The following BDP1 variants were observed in gnomAD, a reference collection of about 807,000 sequenced individuals.
BDP1 encodes BDP1 general transcription factor IIIB subunit.
In BDP1, 169 loss-of-function variants were observed where a neutral mutation model predicts 266.6. That is an observed-to-expected ratio of 0.63 (90% confidence interval 0.56 to 0.72). The LOEUF is 0.72. BDP1 is among the 30% of genes least tolerant of loss of function. The pLI is 0.00. For synonymous variants in BDP1, 1,090 were observed against 1,022.4 expected (o/e 1.07, Z -1.26); for missense variants, 3,015 against 3,053.8 (o/e 0.99, Z 0.30).
chr5:71,459,220 G>T (rs1489930619), intron 2 of BDP1, among the ~76,000 whole-genome samples: 1 of 152,050 alleles, frequency 6.6e-6, no homozygotes, highest in East Asian at 1.9e-4. Flanking sequence ...TTTGAATTAA[G>T]ACAAGTATAG....
the BDP1 span, among the ~76,000 whole-genome samples, chr5:71,574,842 C>A: frequency 2.6e-5 from 4 of 152,190 alleles, no homozygotes; most frequent in African/African-American, 9.6e-5. Context: ...GGAAGTCTGT[C>A]CCAACCAGTA....
rs1763829056 is a variant in BDP1, at chr5:71,495,464, G to A, written c.1799+56G>A. ...TAAAATTTTGATAAGGTTCTTAAAT[G>A]ATAATAATGTTGCTTCATTTAGGGA... On this transcript the variant is annotated intron_variant, in intron 12 of 38. Coordinates refer to ENST00000358731, the MANE Select transcript of BDP1 (RefSeq NM_018429.3). 1.5e-5 allele frequency: 18 copies of A among 1,231,796 alleles called. No homozygotes were observed. The South Asian group carries it at 2.8e-4, about 19-fold the overall frequency. 76.3% of individuals were successfully genotyped at this position (1,231,796 alleles called of 1,614,324 possible).
At position 71,514,940 on chromosome 5, in the gene BDP1, C is replaced by G; in HGVS notation, c.4471-4C>G. 6.3e-7 allele frequency: 1 copy of G among 1,588,212 alleles called. No individual in the cohort carries two copies. Among genetic ancestry groups the G allele is most frequent in the South Asian group, 1.2e-5 (1 of 85,444 alleles). On this transcript the variant is annotated splice_region_variant and splice_polypyrimidine_tract_variant and intron_variant, in intron 19 of 38. Transcript: ENST00000358731. ...GTGAATGAAATTTTTTTTCTGTCTT[C>G]TAGGATGAAGCTTCCCTAATGATAT...
At chr5:71,503,234 G>A (rs967821885) in intron 15 of BDP1, among the ~76,000 whole-genome samples, 4 of 152,042 alleles carry the variant, frequency 2.6e-5, no homozygotes, top group Admixed American at 6.6e-5. Flanking sequence ...TGATCCACCC[G>A]CCTTGGCCTC....
rs751249993 is a variant in BDP1 at position 71,545,092 on chromosome 5, C to T, written c.6617C>T (p.Pro2206Leu). The T allele has an allele frequency of 2.4e-5, 38 of 1,613,408 alleles. 1 individual carries two copies. Among genetic ancestry groups the T allele is most frequent in the Non-Finnish European group, 3.0e-5 (35 of 1,179,814 alleles). ...GAGGTTCACATGTTGTCAGTTGCTC[C>T]AGTTGCTTCCTCTGAGACAGGGCCC... ...SQEVHMLSVA[P>L]VASSETGPCT... Residue 2206 changes from proline to leucine, a missense_variant, in exon 32 of 39, where the codon CCA becomes CTA. Transcript: ENST00000358731.
intron 32 of BDP1, among the ~76,000 whole-genome samples, chr5:71,548,200 G>C (rs1421051067): frequency 6.6e-6 from 1 of 152,092 alleles, no homozygotes; most frequent in Non-Finnish European, 1.5e-5. Context: ...GAGGTGGGAG[G>C]ATCGCTTGAG....
At chr5:71,465,120 C>T (rs1332940525) in intron 4 of BDP1, among the ~76,000 whole-genome samples, 1 of 152,014 alleles carries the variant, frequency 6.6e-6, no homozygotes, top group Non-Finnish European at 1.5e-5. Flanking sequence ...ATCCTCTCGC[C>T]TCAGCCTCCA....
intron 20 of BDP1, 61 bp downstream of exon 20, chr5:71,515,183 A>G (rs1765156201): frequency 7.9e-7 from 1 of 1,265,390 alleles, no homozygotes; most frequent in Non-Finnish European, 1.1e-6. Context: ...AAATATTTCT[A>G]ATTTTTATTG....
chr5:71,480,193 C>G (rs550309106), intron 7 of BDP1, among the ~76,000 whole-genome samples: 81 of 151,668 alleles, frequency 5.3e-4, no homozygotes, highest in African/African-American at 1.9e-3. Flanking sequence ...TCACTGCAAC[C>G]TCTGTCTCCT....
chr5:71,466,556 A>G (rs967285545), intron 5 of BDP1, among the ~76,000 whole-genome samples: 36 of 152,300 alleles, frequency 2.4e-4, no homozygotes, highest in Admixed American at 5.2e-4. Flanking sequence ...CTTGAAGTCA[A>G]TATTCAAGTT....
rs759645314 is a variant in BDP1, at chr5:71,516,081, T to A, written c.4670T>A (p.Phe1557Tyr). 1.2e-6 allele frequency: 2 copies of A among 1,607,614 alleles called. No homozygotes were observed. Among genetic ancestry groups the A allele is most frequent in the Non-Finnish European group, 1.7e-6 (2 of 1,176,700 alleles). ...VSVGTNNVNT[F>Y]QQEMKESVIQ... Reference sequence around the variant, plus strand: ...TTTAGGACTAATAATGTAAACACTTTCCAGCAAGAAATGAAGGAAAGTGTT... The same window carrying A: ...TTTAGGACTAATAATGTAAACACTTACCAGCAAGAAATGAAGGAAAGTGTT... The change falls in exon 21 of 39, where the codon TTC becomes TAC. Residue 1557 changes from phenylalanine to tyrosine, a missense_variant. Phe to Tyr is a conservative substitution (Grantham distance 22). This residue lies in a region of BDP1 where 2,383 missense variants were observed against 2,404.9 expected (regional missense o/e 0.99). Coordinates refer to ENST00000358731, the MANE Select transcript of BDP1 (RefSeq NM_018429.3).
At chr5:71,577,515 G>A in the BDP1 span, among the ~76,000 whole-genome samples, 1 of 152,208 alleles carries the variant, frequency 6.6e-6, no homozygotes, top group South Asian at 2.1e-4. Context: ...TAATTGTGTT[G>A]TCATTTTAAT....
At chr5:71,535,783 C>T (rs1425608330) in intron 26 of BDP1, among the ~76,000 whole-genome samples, 1 of 152,140 alleles carries the variant, frequency 6.6e-6, no homozygotes, top group African/African-American at 2.4e-5. Flanking sequence ...TACTTCCACC[C>T]TCTGCCTCCA....
rs780794864 is a variant in BDP1 at position 71,509,474 on chromosome 5, GAAT to G, written c.2388_2390del (p.Asn796del). 2.5e-5 allele frequency: 39 copies of G among 1,573,210 alleles called. No homozygotes were observed. Among genetic ancestry groups the G allele is most frequent in the African/African-American group, 4.1e-5 (3 of 72,296 alleles). On this transcript the variant is annotated inframe_deletion, in exon 17 of 39. Transcript: ENST00000358731. ...CCTTTTTTTTTTATAGCGTTCAAGA[GAAT>G]AATAAGGCAAATAAACTTAACCAAG...
chr5:71,479,510 T>G (rs1762805496), intron 7 of BDP1, among the ~76,000 whole-genome samples: 1 of 152,094 alleles, frequency 6.6e-6, no homozygotes, highest in Non-Finnish European at 1.5e-5. Context: ...TTTTTTTCTT[T>G]TTTTTCTGAG....
downstream of BDP1, among the ~76,000 whole-genome samples, chr5:71,570,352 G>A (rs1744226733): frequency 6.6e-6 from 1 of 152,182 alleles, no homozygotes; most frequent in Non-Finnish European, 1.5e-5. Context: ...TACCCATGAA[G>A]CCACAATTAC....
At chr5:71,569,824 G>T (rs1253547751), downstream of BDP1, among the ~76,000 whole-genome samples, 2 of 152,142 alleles carry the variant, frequency 1.3e-5, no homozygotes, top group Non-Finnish European at 2.9e-5. Context: ...AAATCTGCAG[G>T]TGATCCTAAG....
intron 22 of BDP1, 36 bp downstream of exon 22, chr5:71,517,488 T>C: frequency 1.3e-6 from 2 of 1,527,780 alleles, no homozygotes; most frequent in Non-Finnish European, 1.8e-6. Flanking sequence ...ATAAGACTTT[T>C]CAAAGATAAA....
At chr5:71,468,645 C>T (rs1453161796) in intron 6 of BDP1, among the ~76,000 whole-genome samples, 9 of 127,846 alleles carry the variant, frequency 7.0e-5, no homozygotes, top group East Asian at 5.0e-4. Context: ...TCGCTCTTGT[C>T]GCCTAGGCTG....
Sources: allele counts gnomAD v4.1 joint callset (sites outside exome capture counted in the v4.1 genomes callset), GRCh38; gene constraint gnomAD v4.1.1; regional missense constraint gnomAD v4.1.1; transcripts MANE v1.5; gene names NCBI Gene and HGNC (gene_info 2026-07-23, HGNC 2026-07-21).